Variants in VIT observed in about 807,000 individuals in gnomAD.
The protein encoded by VIT is vitrin.
Under a neutral mutation model 78.0 loss-of-function variants are expected in VIT, and 99 were observed. The observed-to-expected ratio is 1.27, with a 90% CI of 1.08 to 1.50. The LOEUF is 1.50. Among genes scored for constraint, VIT ranks in the 40% most tolerant of loss-of-function variants. The pLI, the probability that VIT is intolerant of heterozygous loss-of-function variation, is 0.00. For missense variants in VIT, 1,126 were observed against 875.3 expected (o/e 1.29, Z -3.61); for synonymous variants, 374 against 334.3 (o/e 1.12, Z -1.29).
chr2:36,709,487 A>C (rs1335296954), intron 1 of VIT, among the ~76,000 whole-genome samples: 1 of 152,216 alleles, frequency 6.6e-6, no homozygotes, highest in African/African-American at 2.4e-5. Context: ...CCGCAGGAAG[A>C]CTCAAAACAA....
chr2:36,775,030 T>G lies in VIT; in HGVS notation c.765T>G (p.Ala255=). 1 of 1,614,156 alleles carries G rather than the reference T, an allele frequency of 6.2e-7. No homozygotes were observed. Among genetic ancestry groups the G allele is most frequent in the Non-Finnish European group, 8.5e-7 (1 of 1,180,022 alleles). Residue 255 remains alanine, a synonymous_variant, in exon 9 of 16, where the codon GCT becomes GCG. Coordinates refer to ENST00000379242, the MANE Select transcript of VIT (RefSeq NM_053276.4). ...PGIQRQDPSG[A]AFQKPVGADV... is the part of the protein sequence containing the mutation. ...TCCAAAGGCAAGATCCTTCAGGAGC[T>G]GCCTTCCAGAAACCTGTTGGAGCGG...
intron 12 of VIT, among the ~76,000 whole-genome samples, chr2:36,790,648 G>C (rs1194961295): frequency 6.6e-6 from 1 of 152,170 alleles, no homozygotes; most frequent in African/African-American, 2.4e-5. Context: ...ATGCATGACT[G>C]GGGCAGAGGA....
In VIT at chr2:36,769,000, C is replaced by A. The variant is rs564934660; in HGVS notation, c.679+1715C>A. On this transcript the variant is annotated intron_variant, in intron 7 of 15. Coordinates refer to ENST00000379242, the MANE Select transcript of VIT (RefSeq NM_053276.4). Reference sequence around the variant, plus strand: ...AAAGAATTTTTGGTGTTCTGAAATACATCAAACACTCCTCCACCATTCTGT... The same window carrying A: ...AAAGAATTTTTGGTGTTCTGAAATAAATCAAACACTCCTCCACCATTCTGT... Among the ~76,000 whole-genome samples, 3 of 152,272 alleles carry A rather than the reference C, an allele frequency of 2.0e-5. No homozygotes were observed. In the South Asian group the frequency reaches 6.2e-4, roughly 32 times the overall value.
At chr2:36,702,695 G>A (rs1012811291) in intron 1 of VIT, among the ~76,000 whole-genome samples, 1 of 152,116 alleles carries the variant, frequency 6.6e-6, no homozygotes, top group Non-Finnish European at 1.5e-5. Flanking sequence ...GCAGGGACAG[G>A]CCTCACTAGT....
chr2:36,722,463 A>C (rs915928419), intron 2 of VIT, among the ~76,000 whole-genome samples: 2 of 152,230 alleles, frequency 1.3e-5, no homozygotes, highest in African/African-American at 4.8e-5. Context: ...ATTGTAGAGA[A>C]TAAGCTGTCA....
At chr2:36,761,829 C>T (rs1212443977) in intron 6 of VIT, among the ~76,000 whole-genome samples, 1 of 152,208 alleles carries the variant, frequency 6.6e-6, no homozygotes, top group Non-Finnish European at 1.5e-5. Context: ...ACATAACCTT[C>T]TGTGACTGTA....
chr2:36,717,333 A>AAT, intron 2 of VIT, among the ~76,000 whole-genome samples: 1 of 102,768 alleles, frequency 9.7e-6, no homozygotes, highest in Admixed American at 1.0e-4. Flanking sequence ...ACGCCTGGCT[A>AAT]ATGTGTGTGT....
At chr2:36,783,480 A>C in intron 11 of VIT, 78 bp downstream of exon 11, 1 of 1,400,492 alleles carries the variant, frequency 7.1e-7, no homozygotes, top group South Asian at 1.2e-5. Context: ...ACTCACTCCC[A>C]CTCAAACCTG....
intron 6 of VIT, among the ~76,000 whole-genome samples, chr2:36,765,447 G>GAGAGAGAGAGAGAGA (rs759255390): frequency 1.1e-4 from 17 of 148,774 alleles, no homozygotes; most frequent in African/African-American, 1.7e-4. Flanking sequence ...GAGAGAGAGA[G>GAGAGAGAGAGAGAGA]GAAAAACTGC....
At chr2:36,707,181 G>A (rs2148423058) in intron 1 of VIT, among the ~76,000 whole-genome samples, 1 of 152,276 alleles carries the variant, frequency 6.6e-6, no homozygotes, top group African/African-American at 2.4e-5. Flanking sequence ...CAAGTGAAAG[G>A]GAAATGTATT....
At chr2:36,783,171 T>C (rs1050865329) in intron 10 of VIT, among the ~76,000 whole-genome samples, 169 bp from the exon 11 acceptor site, 8 of 152,162 alleles carry the variant, frequency 5.3e-5, no homozygotes, top group African/African-American at 1.9e-4. Context: ...TGTAAGTAAA[T>C]ATTAATTTAT....
chr2:36,725,610 G>A (rs1437259267), intron 2 of VIT, among the ~76,000 whole-genome samples: 4 of 97,348 alleles, frequency 4.1e-5, no homozygotes, highest in East Asian at 3.9e-4. Context: ...GGTGGGGGGG[G>A]GGTGGGTAAA....
chr2:36,811,323 C>T (rs1667150250), intron 15 of VIT, among the ~76,000 whole-genome samples: 1 of 152,234 alleles, frequency 6.6e-6, no homozygotes, highest in Non-Finnish European at 1.5e-5. Flanking sequence ...CCAGTTTGTG[C>T]TCAGCTACAT....
chr2:36,747,627 C>T (rs1481191868), intron 4 of VIT, among the ~76,000 whole-genome samples: 2 of 152,110 alleles, frequency 1.3e-5, no homozygotes, highest in African/African-American at 2.4e-5. Flanking sequence ...CATCCCTTTA[C>T]TTTGAGCCTA....
chr2:36,711,309 T>G (rs971860504), intron 1 of VIT, among the ~76,000 whole-genome samples: 8 of 152,226 alleles, frequency 5.3e-5, no homozygotes, highest in Non-Finnish European at 8.8e-5. Flanking sequence ...TCATACATCT[T>G]TAACTGATGA....
intron 3 of VIT, 59 bp downstream of exon 3, chr2:36,729,550 A>G: frequency 6.5e-7 from 1 of 1,528,914 alleles, no homozygotes; most frequent in Non-Finnish European, 8.9e-7. Flanking sequence ...ATGGAGGGTT[A>G]TTATACTTGT....
chr2:36,711,034 A>G (rs1386186370), intron 1 of VIT, among the ~76,000 whole-genome samples: 1 of 152,218 alleles, frequency 6.6e-6, no homozygotes, highest in African/African-American at 2.4e-5. Context: ...CCTGTTAGCA[A>G]TTATGCCAGT....
At chr2:36,772,132 C>T (rs1006336904) in intron 7 of VIT, among the ~76,000 whole-genome samples, 7 of 152,136 alleles carry the variant, frequency 4.6e-5, no homozygotes, top group African/African-American at 1.2e-4. Context: ...TGAGGCTGGG[C>T]GTGGTGGCTC....
At chr2:36,781,402 G>C (rs1185146812) in intron 9 of VIT, among the ~76,000 whole-genome samples, 3 of 152,202 alleles carry the variant, frequency 2.0e-5, no homozygotes, top group Non-Finnish European at 4.4e-5. Context: ...ACAGGCCAGG[G>C]ATGTTGCAAA....
Sources: allele counts gnomAD v4.1 joint callset (sites outside exome capture counted in the v4.1 genomes callset), GRCh38; gene constraint gnomAD v4.1.1; transcripts MANE v1.5; gene names NCBI Gene and HGNC (gene_info 2026-07-23, HGNC 2026-07-21).